MED14: variants seen among roughly 807,000 people sequenced by gnomAD.
The protein encoded by MED14 is mediator of RNA polymerase II transcription subunit 14.
A neutral mutation model predicts 109.0 loss-of-function variants in MED14; 8 were observed. That is an observed-to-expected ratio of 0.07 (90% CI 0.04 to 0.13). MED14 has a LOEUF of 0.13. MED14 is among the 10% of genes least tolerant of loss of function. The pLI is 1.00. For synonymous variants in MED14, 399 were observed against 408.7 expected (o/e 0.98, Z 0.29); for missense variants, 711 against 1,142.4 (o/e 0.62, Z 5.44).
chrX:40,698,265 A>T (rs1930794769), intron 12 of MED14, among the ~76,000 whole-genome samples: 1 of 112,437 alleles, frequency 8.9e-6, no homozygotes, highest in South Asian at 3.6e-4. Flanking sequence ...TAGCATTATC[A>T]TCAATCCAAC....
At chrX:40,696,944 C>A in intron 13 of MED14, 80 bp downstream of exon 13, 1 of 861,683 alleles carries the variant, frequency 1.2e-6, no homozygotes, top group Non-Finnish European at 1.6e-6. Context: ...AATTCATTGG[C>A]AAGTTAAACA....
chrX:40,693,092 G>A (rs1483367712), intron 13 of MED14, among the ~76,000 whole-genome samples, 190 bp from the exon 14 acceptor site: 1 of 110,752 alleles, frequency 9.0e-6, no homozygotes, highest in Non-Finnish European at 1.9e-5. Context: ...AAAAGTAGAT[G>A]AGACCAAAGA....
intron 1 of MED14, among the ~76,000 whole-genome samples, chrX:40,734,423 C>T (rs5918035): frequency 0.14 from 15,292 of 111,782 alleles, 787 homozygotes; most frequent in East Asian, 0.19. Flanking sequence ...ACTAATGTAT[C>T]TCAATTGATA....
At chrX:40,684,130 C>T (rs1252165042) in intron 16 of MED14, among the ~76,000 whole-genome samples, 1 of 111,767 alleles carries the variant, frequency 8.9e-6, no homozygotes, top group African/African-American at 3.3e-5. Flanking sequence ...TTGGTTCAGA[C>T]CCCTTAATTC....
Position 40,713,899 on chromosome X carries a change from A to T in MED14, c.531T>A (p.Ile177=), listed in dbSNP as rs763343538. The T allele has an allele frequency of 1.5e-5, 18 of 1,201,217 alleles. No homozygotes were observed. Among genetic ancestry groups the T allele is most frequent in the Non-Finnish European group, 1.9e-5 (17 of 891,246 alleles). ...PRLPTCIRDK[I]IPPDPITKIE... ...TTTTGGTAATTGGGTCTGGAGGAAT[A>T]ATTTTGTCCTGCAAAAAAATTTAAG... is the stretch of plus-strand genomic sequence containing the variant. The change falls in exon 5 of 31, where the codon ATT becomes ATA. Residue 177 remains isoleucine (I), a synonymous_variant. Coordinates refer to ENST00000324817, the MANE Select transcript of MED14 (RefSeq NM_004229.4).
chrX:40,667,060 TA>T (rs1426889246), intron 23 of MED14, among the ~76,000 whole-genome samples: 28 of 106,790 alleles, frequency 2.6e-4, no homozygotes, highest in African/African-American at 5.1e-4. Context: ...ATTGACTGAT[TA>T]AAAAAAAAAA....
chrX:40,664,395 T>C lies in MED14; in HGVS notation c.3360A>G (p.Pro1120=), dbSNP rs781240038. 62 of 1,205,551 alleles carry C rather than the reference T, an allele frequency of 5.1e-5. No individual in the cohort carries two copies. The highest frequency in any genetic ancestry group is 6.6e-5 in the Non-Finnish European group (59 of 892,826). The part of the protein sequence containing the change: ...PGSPQVSGPS[P]AARMPGMSPA... ...GTGACATTCCAGGCATGCGTGCTGC[T>C]GGTGAGGGGCCAGACACTTGAGGAG... The change falls in exon 25 of 31, where the codon CCA becomes CCG. Residue 1120 remains proline, a synonymous_variant. Transcript: ENST00000324817.
Position 40,682,617 on chromosome X carries a change from G to C in MED14, c.2351C>G (p.Ala784Gly). The C allele has an allele frequency of 8.5e-7, 1 of 1,177,016 alleles. No individual in the cohort carries two copies. The highest frequency in any genetic ancestry group is 1.1e-6 in the Non-Finnish European group (1 of 877,217). Residue 784 changes from alanine to glycine, a missense_variant, in exon 18 of 31, where the codon GCA becomes GGA. Ala to Gly is a moderately conservative substitution (Grantham distance 60). This residue lies in a region of MED14 where 388 missense variants were observed against 517.3 expected (regional missense o/e 0.75). Transcript: ENST00000324817. ...ARLYECVLEF[A>G]RSLPDIPAHL... is the part of the protein sequence containing the mutation. ...TCCACACGTACCTGGTAGAGAACGT[G>C]CAAATTCCAACACACACTCATATAA...
At chrX:40,728,175 C>T (rs757717025) in intron 2 of MED14, among the ~76,000 whole-genome samples, 1 of 111,665 alleles carries the variant, frequency 9.0e-6, no homozygotes, top group Non-Finnish European at 1.9e-5. Flanking sequence ...ACAGAGCAAA[C>T]ACACTTGTCT....
chrX:40,707,107 G>GGATGGATA (rs1555996862), intron 10 of MED14, among the ~76,000 whole-genome samples: 5 of 101,297 alleles, frequency 4.9e-5, no homozygotes, highest in African/African-American at 1.5e-4. Flanking sequence ...ATACATAGAT[G>GGATGGATA]GATAGATAGA....
At position 40,654,566 on chromosome X, in the gene MED14, C is replaced by T; in HGVS notation, c.4099-10G>A. On this transcript the variant is annotated splice_polypyrimidine_tract_variant and intron_variant, in intron 29 of 30. Coordinates refer to ENST00000324817, the MANE Select transcript of MED14 (RefSeq NM_004229.4). Reference sequence around the variant, plus strand: ...TCTGAGTTAGTTGAAGCTGTATACACACAACACACACAAAGAGAATAAAAA... The same window carrying T: ...TCTGAGTTAGTTGAAGCTGTATACATACAACACACACAAAGAGAATAAAAA... 8.4e-7 allele frequency: 1 copy of T among 1,194,621 alleles called. No homozygotes were observed. The highest frequency in any genetic ancestry group is 1.1e-6 in the Non-Finnish European group (1 of 882,066).
At chrX:40,706,556 C>T (rs778110652) in intron 10 of MED14, among the ~76,000 whole-genome samples, 43 of 111,130 alleles carry the variant, frequency 3.9e-4, no homozygotes, top group African/African-American at 1.3e-3. Flanking sequence ...GGAGAATGGC[C>T]CAAATAGTGT....
intron 3 of MED14, among the ~76,000 whole-genome samples, chrX:40,716,410 T>G (rs1183810854): frequency 9.1e-6 from 1 of 109,948 alleles, no homozygotes; most frequent in East Asian, 2.8e-4. Context: ...CTGGACAACA[T>G]AGGGAGACCC....
chrX:40,711,921 G>A (rs770325816), intron 7 of MED14, among the ~76,000 whole-genome samples: 37 of 110,292 alleles, frequency 3.4e-4, no homozygotes, highest in African/African-American at 1.2e-3. Context: ...ATGAGCCACC[G>A]TGCCCAGCCT....
At chrX:40,696,271 A>T (rs1425516291) in intron 13 of MED14, among the ~76,000 whole-genome samples, 1 of 108,410 alleles carries the variant, frequency 9.2e-6, no homozygotes, top group East Asian at 2.9e-4. Flanking sequence ...AGTAGCTAGG[A>T]CTACAGGCGC....
At chrX:40,729,258 C>A (rs1266305609) in intron 2 of MED14, 61 bp downstream of exon 2, 6 of 1,112,173 alleles carry the variant, frequency 5.4e-6, no homozygotes, top group Non-Finnish European at 6.1e-6. Context: ...CATACCCACA[C>A]ACCAACACTC....
chrX:40,718,617 T>C (rs751453023), intron 3 of MED14, among the ~76,000 whole-genome samples: 6 of 111,960 alleles, frequency 5.4e-5, no homozygotes, highest in Admixed American at 9.5e-5. Flanking sequence ...GAAGACTGCT[T>C]GAAGCCAGGA....
intron 15 of MED14, among the ~76,000 whole-genome samples, chrX:40,688,936 T>C (rs1322877316): frequency 1.8e-5 from 2 of 112,448 alleles, no homozygotes; most frequent in Non-Finnish European, 3.7e-5. Context: ...CTAAATGATA[T>C]TTTTTAGTTT....
intron 12 of MED14, among the ~76,000 whole-genome samples, chrX:40,699,514 G>A (rs1930844382): frequency 8.9e-6 from 1 of 112,003 alleles, no homozygotes; most frequent in African/African-American, 3.2e-5. Context: ...GTGACAATCA[G>A]GGGACTTTTC....
Sources: gnomAD v4.1 joint callset for allele counts (sites outside exome capture counted in the v4.1 genomes callset) on GRCh38, gnomAD v4.1.1 for gene constraint, gnomAD v4.1.1 regional missense constraint, MANE v1.5 for transcripts, NCBI Gene and HGNC (gene_info 2026-07-23, HGNC 2026-07-21) for gene names.